Variants in CAMK2D observed in about 807,000 individuals in gnomAD.
The protein encoded by CAMK2D is calcium/calmodulin-dependent protein kinase type II subunit delta.
Under a neutral mutation model 84.0 loss-of-function variants are expected in CAMK2D, and 37 were observed. The observed-to-expected ratio is 0.44, with a 90% confidence interval of 0.34 to 0.58. The LOEUF (loss-of-function observed/expected upper bound fraction) is 0.58. Among genes scored for constraint, CAMK2D ranks in the 20% least tolerant of loss-of-function variants. CAMK2D has a pLI of 0.02. For synonymous variants in CAMK2D, 202 were observed against 212.5 expected (o/e 0.95, Z 0.43); for missense variants, 448 against 652.5 (o/e 0.69, Z 3.41).
intron 3 of CAMK2D, 118 bp downstream of exon 3, chr4:113,661,595 A>G (rs2099232383): frequency 1.8e-5 from 9 of 500,700 alleles, no homozygotes; most frequent in Non-Finnish European, 2.5e-5. Context: ...ATTGAAAGTT[A>G]GGAACCTATT....
chr4:113,474,432 G>A (rs1206965058), intron 16 of CAMK2D, among the ~76,000 whole-genome samples: 4 of 150,176 alleles, frequency 2.7e-5, no homozygotes, highest in African/African-American at 4.9e-5. Flanking sequence ...AAATTCAGAC[G>A]TGGAAAAGAG....
chr4:113,560,144 A>G (rs1018463777), intron 4 of CAMK2D, among the ~76,000 whole-genome samples: 1 of 152,144 alleles, frequency 6.6e-6, no homozygotes, highest in African/African-American at 2.4e-5. Context: ...GTCGGCTGAA[A>G]GCTATTTAAA....
chr4:113,537,456 A>AT lies in CAMK2D; in HGVS notation c.415-14_415-13insA. The AT allele has an allele frequency of 6.8e-7, 1 of 1,471,232 alleles. No individual in the cohort carries two copies. Among genetic ancestry groups the AT allele is most frequent in the Non-Finnish European group, 9.5e-7 (1 of 1,054,086 alleles). 91.1% of individuals were successfully genotyped at this position (1,471,232 alleles called of 1,614,324 possible). A position where few individuals can be genotyped will look rare whatever the true frequency, so the allele number is the denominator to read the frequency against. On this transcript the variant is annotated splice_polypyrimidine_tract_variant and intron_variant, in intron 6 of 20. Transcript: ENST00000511664. Reference sequence around the variant, plus strand: ...GCAAATTCTCAGGCTTTATTTAGAAAGAAAAAAAAAGAGACTGAAGTGAGA... The same window carrying AT: ...GCAAATTCTCAGGCTTTATTTAGAAATGAAAAAAAAAGAGACTGAAGTGAGA...
intron 4 of CAMK2D, among the ~76,000 whole-genome samples, chr4:113,555,974 A>G (rs1278987422): frequency 2.0e-5 from 3 of 152,268 alleles, no homozygotes; most frequent in Middle Eastern, 3.4e-3. Flanking sequence ...GCAATCCAGG[A>G]AAGAGCCCTT....
chr4:113,741,082 A>G (rs1330529189), intron 2 of CAMK2D, among the ~76,000 whole-genome samples: 3 of 152,076 alleles, frequency 2.0e-5, no homozygotes, highest in African/African-American at 7.2e-5. Context: ...GTTATCACAG[A>G]CTGCTGCAGT....
chr4:113,643,575 G>A (rs1316563340), intron 3 of CAMK2D, among the ~76,000 whole-genome samples: 3 of 152,252 alleles, frequency 2.0e-5, no homozygotes, highest in African/African-American at 7.2e-5. Flanking sequence ...GCTGCTGACA[G>A]AAAGTAAGAA....
At chr4:113,475,958 T>C (rs1475587321) in intron 16 of CAMK2D, among the ~76,000 whole-genome samples, 1 of 152,146 alleles carries the variant, frequency 6.6e-6, no homozygotes, top group Non-Finnish European at 1.5e-5. Context: ...AAAATCAGTC[T>C]CCTCCCATTC....
intron 2 of CAMK2D, among the ~76,000 whole-genome samples, chr4:113,704,787 T>C (rs1035569048): frequency 6.6e-6 from 1 of 151,850 alleles, no homozygotes; most frequent in Admixed American, 6.6e-5. Context: ...AATTTATCAG[T>C]GAAAAATAAA....
Position 113,761,137 on chromosome 4 carries a change from CG to C in CAMK2D, c.-70del. 6.2e-7 allele frequency: 1 copy of C among 1,605,512 alleles called. No individual in the cohort carries two copies. The highest frequency in any genetic ancestry group is 8.5e-7 in the Non-Finnish European group (1 of 1,177,298). ...AAGCGAGCAGACGCGCGGCTAACCC[CG>C]GGACTGGCCCCGCGGCGCTGTCACC... is the stretch of plus-strand genomic sequence containing the variant. On this transcript the variant is annotated 5_prime_UTR_variant, in exon 1 of 21. Coordinates refer to ENST00000511664, the MANE Select transcript of CAMK2D (RefSeq NM_001321571.2).
chr4:113,512,394 C>T (rs889231217), intron 12 of CAMK2D, among the ~76,000 whole-genome samples: 1 of 152,172 alleles, frequency 6.6e-6, no homozygotes, highest in Non-Finnish European at 1.5e-5. Context: ...CTTATTTTTA[C>T]CATGGAATCA....
chr4:113,669,794 A>G (rs181189406), intron 2 of CAMK2D, among the ~76,000 whole-genome samples: 188 of 152,284 alleles, frequency 1.2e-3, no homozygotes, highest in Non-Finnish European at 2.0e-3. Context: ...GCATAAGAAG[A>G]GGAGAGTGGT....
intron 2 of CAMK2D, among the ~76,000 whole-genome samples, chr4:113,677,014 C>T (rs192533349): frequency 6.6e-6 from 1 of 152,216 alleles, no homozygotes; most frequent in Admixed American, 6.5e-5. Flanking sequence ...ACCCTAAAGG[C>T]GAAGAGCTAA....
At chr4:113,678,478 T>G (rs557812646) in intron 2 of CAMK2D, among the ~76,000 whole-genome samples, 2 of 152,236 alleles carry the variant, frequency 1.3e-5, no homozygotes, top group East Asian at 3.9e-4. Flanking sequence ...TTTTTTAGTT[T>G]TTAAATTTTA....
rs2098594187 is a variant in CAMK2D, at chr4:113,547,780, C to G, written c.342-64G>C. The G allele has an allele frequency of 5.7e-6, 6 of 1,044,050 alleles. No individual in the cohort carries two copies. In the Admixed American group the frequency reaches 1.2e-4, roughly 20 times the overall value. The allele number at this position is 1,044,050 out of a possible 1,614,324, so 64.7% of individuals were successfully genotyped here. A position where few individuals can be genotyped will look rare whatever the true frequency, so the allele number is the denominator to read the frequency against. On this transcript the variant is annotated intron_variant, in intron 5 of 20. Transcript: ENST00000511664. ...CTTACACTCACTGTCTGTATACCCT[C>G]AGAGAGACTGGGTTAAAGTGCAGAG...
intron 2 of CAMK2D, among the ~76,000 whole-genome samples, chr4:113,728,894 TA>T (rs113788356): frequency 1.3e-5 from 2 of 152,164 alleles, no homozygotes; most frequent in African/African-American, 4.8e-5. Flanking sequence ...TCATTATTAA[TA>T]AAAGTCTTCC....
At chr4:113,703,488 A>G (rs527419286) in intron 2 of CAMK2D, among the ~76,000 whole-genome samples, 2 of 152,124 alleles carry the variant, frequency 1.3e-5, no homozygotes, top group South Asian at 2.1e-4. Flanking sequence ...ACTATGCCCA[A>G]CTGACTTTTT....
intron 15 of CAMK2D, among the ~76,000 whole-genome samples, chr4:113,500,863 A>G (rs1479530410): frequency 2.6e-5 from 4 of 152,074 alleles, no homozygotes; most frequent in Non-Finnish European, 4.4e-5. Context: ...CAAGCAATTG[A>G]ATATGTTAGC....
chr4:113,509,271 C>T (rs1457729224), intron 13 of CAMK2D, among the ~76,000 whole-genome samples: 3 of 152,110 alleles, frequency 2.0e-5, no homozygotes, highest in South Asian at 2.1e-4. Flanking sequence ...GTGGCCTTCA[C>T]GTATGCAGCA....
intron 2 of CAMK2D, chr4:113,754,576 T>C: frequency 1.0e-6 from 1 of 981,812 alleles, no homozygotes; most frequent in Non-Finnish European, 1.2e-6. Context: ...AGGTTTACAC[T>C]AGTTATTAAT....
Sources: gnomAD v4.1 joint callset for allele counts (sites outside exome capture counted in the v4.1 genomes callset) on GRCh38, gnomAD v4.1.1 for gene constraint, MANE v1.5 for transcripts, NCBI Gene and HGNC (gene_info 2026-07-23, HGNC 2026-07-21) for gene names.